SPIDR: variants seen among roughly 807,000 people sequenced by gnomAD.
The protein encoded by SPIDR is scaffold protein involved in DNA repair, also known as DNA repair-scaffolding protein.
A neutral mutation model predicts 104.6 loss-of-function variants in SPIDR; 93 were observed. That is an observed-to-expected ratio of 0.89 (90% CI 0.75 to 1.06). The LOEUF (loss-of-function observed/expected upper bound fraction) is 1.06, where lower values mean the gene tolerates loss of function less well. SPIDR is among the 50% of genes least tolerant of loss of function. The pLI, the probability that SPIDR is intolerant of heterozygous loss-of-function variation, is 0.00. For missense variants in SPIDR, 1,154 were observed against 1,111.2 expected (o/e 1.04, Z -0.55); for synonymous variants, 431 against 416.9 (o/e 1.03, Z -0.41).
At chr8:47,685,099 C>T (rs1172093009) in intron 11 of SPIDR, among the ~76,000 whole-genome samples, 2 of 152,154 alleles carry the variant, frequency 1.3e-5, no homozygotes, top group African/African-American at 2.4e-5. Flanking sequence ...GTAATCCCAG[C>T]TATTTGGGAG....
At chr8:47,348,533 A>C (rs1231268766) in intron 5 of SPIDR, among the ~76,000 whole-genome samples, 3 of 152,146 alleles carry the variant, frequency 2.0e-5, no homozygotes, top group African/African-American at 7.2e-5. Context: ...GATAATGGAT[A>C]ATATGCTGAA....
chr8:47,432,363 TGGGTACAC>T (rs367973197), intron 7 of SPIDR, among the ~76,000 whole-genome samples: 1 of 152,166 alleles, frequency 6.6e-6, no homozygotes, highest in Admixed American at 6.5e-5. Context: ...TTGTATTCTC[TGGGTACAC>T]GCAAAGTGCA....
intron 5 of SPIDR, among the ~76,000 whole-genome samples, chr8:47,307,541 T>G (rs1177964208): frequency 7.2e-6 from 1 of 139,106 alleles, no homozygotes; most frequent in African/African-American, 2.7e-5. Context: ...TCGTTTTTTT[T>G]TTTTTTTTTT....
At chr8:47,504,464 G>C (rs570223261) in intron 8 of SPIDR, among the ~76,000 whole-genome samples, 1 of 151,994 alleles carries the variant, frequency 6.6e-6, no homozygotes, top group South Asian at 2.1e-4. Flanking sequence ...CATAGTTCTC[G>C]TGCCTTGGTT....
chr8:47,669,914 T>G (rs946244274), intron 10 of SPIDR, among the ~76,000 whole-genome samples: 24 of 152,216 alleles, frequency 1.6e-4, no homozygotes, highest in African/African-American at 5.1e-4. Context: ...GCAGGAGAAT[T>G]GCTTGAACCC....
At chr8:47,540,325 A>G (rs2087849232) in intron 8 of SPIDR, among the ~76,000 whole-genome samples, 1 of 152,216 alleles carries the variant, frequency 6.6e-6, no homozygotes, top group Admixed American at 6.5e-5. Flanking sequence ...CTAACTTTTT[A>G]TATTCAAATA....
intron 8 of SPIDR, among the ~76,000 whole-genome samples, chr8:47,543,959 G>A (rs1020747846): frequency 6.6e-6 from 1 of 152,066 alleles, no homozygotes; most frequent in East Asian, 1.9e-4. Flanking sequence ...GTTGGTTTCC[G>A]CTTACTCCTT....
In SPIDR at chr8:47,427,524, T is replaced by C. The variant is rs2066612112; in HGVS notation, c.878-12799T>C. 2.0e-5 allele frequency among the ~76,000 whole-genome samples: 3 copies of C among 152,266 alleles called. No homozygotes were observed. The South Asian group carries it at 6.2e-4, about 32-fold the overall frequency. ...CGGTAGTTTTCCAGAATGAGGAGTGTAGTGATCCTTTTTCCTTGGACAAGA... is the reference window on the plus strand; with the variant it reads ...CGGTAGTTTTCCAGAATGAGGAGTGCAGTGATCCTTTTTCCTTGGACAAGA... On this transcript the variant is annotated intron_variant, in intron 7 of 19. Transcript: ENST00000297423.
At chr8:47,604,551 T>G (rs1194712423) in intron 10 of SPIDR, among the ~76,000 whole-genome samples, 1 of 152,186 alleles carries the variant, frequency 6.6e-6, no homozygotes, top group Non-Finnish European at 1.5e-5. Flanking sequence ...CAGAGAGGAC[T>G]GGTGGGTTCC....
chr8:47,395,666 AT>A lies in SPIDR; in HGVS notation c.526-702del, dbSNP rs200644984. On this transcript the variant is annotated intron_variant, in intron 5 of 19. Transcript: ENST00000297423. ...TTTTCCCTCCAGAATTAGCCATATA[AT>A]TTTTTTTCTTTTTTATTGGCCATAC... Among the ~76,000 whole-genome samples, 486 of 152,148 alleles carry A rather than the reference AT, an allele frequency of 3.2e-3. 2 individuals carry two copies. The highest frequency in any genetic ancestry group is 0.011 in the African/African-American group (438 of 41,536).
intron 9 of SPIDR, among the ~76,000 whole-genome samples, chr8:47,598,118 GTTTTAACA>G (rs1183275789): frequency 6.6e-6 from 1 of 152,190 alleles, no homozygotes; most frequent in East Asian, 1.9e-4. Flanking sequence ...GCACATTACT[GTTTTAACA>G]TATAGTTTTA....
At chr8:47,274,296 A>G (rs1429128768) in intron 1 of SPIDR, among the ~76,000 whole-genome samples, 3 of 152,256 alleles carry the variant, frequency 2.0e-5, no homozygotes, top group African/African-American at 7.2e-5. Context: ...CATGAGGAAC[A>G]TTTTTGTTGC....
At position 47,392,114 on chromosome 8, in the gene SPIDR, G is replaced by GCTAA. The variant is rs200978511; in HGVS notation, c.526-4261_526-4258dup. Among the ~76,000 whole-genome samples the GCTAA allele has an allele frequency of 9.3e-3, 1,418 of 152,094 alleles. 11 individuals are homozygous for GCTAA. Among genetic ancestry groups the GCTAA allele is most frequent in the Middle Eastern group, 0.017 (5 of 294 alleles). Reference sequence around the variant, plus strand: ...ACCAAACGACATGTAAACTATATGGGCTAAAAAGCATAGCTAACATTTGCT... The same window carrying GCTAA: ...ACCAAACGACATGTAAACTATATGGGCTAACTAAAAAGCATAGCTAACATTTGCT... On this transcript the variant is annotated intron_variant, in intron 5 of 19. Transcript: ENST00000297423.
At chr8:47,560,366 C>G (rs906935550) in intron 8 of SPIDR, among the ~76,000 whole-genome samples, 6 of 152,220 alleles carry the variant, frequency 3.9e-5, no homozygotes, top group African/African-American at 1.4e-4. Flanking sequence ...TAGTCCCTCA[C>G]CAGCTCCATC....
chr8:47,288,592 C>G (rs932477802), intron 3 of SPIDR, among the ~76,000 whole-genome samples: 1 of 152,174 alleles, frequency 6.6e-6, no homozygotes, highest in Non-Finnish European at 1.5e-5. Flanking sequence ...TGATAACTTC[C>G]TTCTTGACTT....
intron 5 of SPIDR, among the ~76,000 whole-genome samples, chr8:47,369,491 G>T (rs1220784801): frequency 2.6e-5 from 4 of 152,120 alleles, no homozygotes; most frequent in Non-Finnish European, 4.4e-5. Flanking sequence ...TTCCTTTGTA[G>T]GAACAACTTC....
At chr8:47,561,334 C>T (rs1343858970) in intron 8 of SPIDR, among the ~76,000 whole-genome samples, 5 of 152,180 alleles carry the variant, frequency 3.3e-5, no homozygotes, top group Non-Finnish European at 5.9e-5. Flanking sequence ...ACTGATTTAA[C>T]ATTTAATCCC....
intron 5 of SPIDR, among the ~76,000 whole-genome samples, chr8:47,311,642 A>G (rs2154254747): frequency 6.6e-6 from 1 of 152,142 alleles, no homozygotes; most frequent in East Asian, 1.9e-4. Context: ...ACGAAGTGAG[A>G]CTTCATCTCT....
chr8:47,592,164 A>G, intron 8 of SPIDR: 1 of 1,408,350 alleles, frequency 7.1e-7, no homozygotes, highest in Non-Finnish European at 1.0e-6. Flanking sequence ...TTCATGGCAT[A>G]TAGCCTAGTT....
Sources: gnomAD v4.1 joint callset for allele counts (sites outside exome capture counted in the v4.1 genomes callset) on GRCh38, gnomAD v4.1.1 for gene constraint, MANE v1.5 for transcripts, NCBI Gene and HGNC (gene_info 2026-07-23, HGNC 2026-07-21) for gene names.